The following PLXDC2 variants were observed in gnomAD, a reference collection of about 807,000 sequenced individuals.
PLXDC2 encodes plexin domain-containing protein 2.
Under a neutral mutation model 68.9 loss-of-function variants are expected in PLXDC2, and 40 were observed. The ratio of observed to expected loss-of-function variants is 0.58; its 90% CI spans 0.45 to 0.76. PLXDC2 has a LOEUF of 0.76. Ranked by LOEUF, PLXDC2 falls within the 30% of genes least tolerant of loss-of-function variation. The pLI is 0.00. For missense variants in PLXDC2, 644 were observed against 661.9 expected (o/e 0.97, Z 0.30); for synonymous variants, 243 against 234.2 (o/e 1.04, Z -0.34).
chr10:20,214,494 T>C (rs945093016), intron 10 of PLXDC2, among the ~76,000 whole-genome samples: 1 of 152,162 alleles, frequency 6.6e-6, no homozygotes, highest in African/African-American at 2.4e-5. Context: ...ATATTGATTT[T>C]GGATTTTTTT....
At chr10:20,045,395 T>C (rs1306958097) in intron 2 of PLXDC2, among the ~76,000 whole-genome samples, 1 of 152,154 alleles carries the variant, frequency 6.6e-6, no homozygotes, top group African/African-American at 2.4e-5. Flanking sequence ...GATCTCAAAT[T>C]CCTAACCTCA....
intron 6 of PLXDC2, among the ~76,000 whole-genome samples, chr10:20,148,895 T>G (rs1424206217): frequency 6.6e-6 from 1 of 152,214 alleles, no homozygotes; most frequent in African/African-American, 2.4e-5. Context: ...AAGTGCGGCA[T>G]AATTTAATTA....
At chr10:19,991,771 G>A (rs192526141) in intron 1 of PLXDC2, among the ~76,000 whole-genome samples, 26 of 152,196 alleles carry the variant, frequency 1.7e-4, no homozygotes, top group Admixed American at 1.6e-3. Flanking sequence ...TCGGTGATTT[G>A]GGTCCGAGAC....
chr10:20,144,134 A>G, intron 5 of PLXDC2, among the ~76,000 whole-genome samples: 1 of 152,198 alleles, frequency 6.6e-6, no homozygotes, highest in Non-Finnish European at 1.5e-5. Context: ...AATAAATTAT[A>G]GGTAACAAAG....
intron 2 of PLXDC2, among the ~76,000 whole-genome samples, chr10:20,017,356 C>T (rs1564658112): frequency 1.3e-5 from 2 of 152,198 alleles, no homozygotes; most frequent in Non-Finnish European, 1.5e-5. Flanking sequence ...CTTGTAGACT[C>T]ATTCATGCCC....
At chr10:20,265,332 T>A (rs1835858896) in intron 13 of PLXDC2, among the ~76,000 whole-genome samples, 1 of 152,228 alleles carries the variant, frequency 6.6e-6, no homozygotes, top group Non-Finnish European at 1.5e-5. Flanking sequence ...GAACTCAGAA[T>A]GCATGCATAC....
At chr10:20,007,923 T>C (rs1835052343) in intron 2 of PLXDC2, among the ~76,000 whole-genome samples, 1 of 152,238 alleles carries the variant, frequency 6.6e-6, no homozygotes, top group Non-Finnish European at 1.5e-5. Context: ...CCAGCAACTG[T>C]TGTATTATTC....
chr10:20,253,586 T>C (rs2119350957), intron 13 of PLXDC2, among the ~76,000 whole-genome samples: 1 of 152,216 alleles, frequency 6.6e-6, no homozygotes, highest in Middle Eastern at 3.4e-3. Flanking sequence ...GGGAGTACTT[T>C]GTATTTTCTA....
At chr10:19,910,635 C>T (rs1833252831) in intron 1 of PLXDC2, among the ~76,000 whole-genome samples, 1 of 127,338 alleles carries the variant, frequency 7.9e-6, no homozygotes, top group Non-Finnish European at 1.6e-5. Context: ...TTAGAAGAGG[C>T]ACAGGAATGT....
chr10:19,885,485 A>T (rs1837826408), intron 1 of PLXDC2, among the ~76,000 whole-genome samples: 1 of 152,134 alleles, frequency 6.6e-6, no homozygotes, highest in Non-Finnish European at 1.5e-5. Flanking sequence ...TTATGGTTTT[A>T]GGTCTAACGT....
chr10:20,041,118 C>A (rs1383577379), intron 2 of PLXDC2, among the ~76,000 whole-genome samples: 1 of 152,098 alleles, frequency 6.6e-6, no homozygotes, highest in Non-Finnish European at 1.5e-5. Context: ...CCATAGATAA[C>A]CACATGCTGA....
intron 1 of PLXDC2, among the ~76,000 whole-genome samples, chr10:19,970,125 T>A (rs1373284425): frequency 6.6e-6 from 1 of 152,234 alleles, no homozygotes; most frequent in Non-Finnish European, 1.5e-5. Context: ...CTTTATCTGC[T>A]GCATTGTTTT....
intron 1 of PLXDC2, among the ~76,000 whole-genome samples, chr10:19,894,681 G>A (rs936646557): frequency 2.0e-5 from 3 of 152,072 alleles, no homozygotes; most frequent in Non-Finnish European, 4.4e-5. Context: ...GCATACAAAT[G>A]CACATTATCA....
chr10:20,244,648 A>T (rs1835564428), intron 12 of PLXDC2, among the ~76,000 whole-genome samples: 5 of 152,236 alleles, frequency 3.3e-5, no homozygotes, highest in Non-Finnish European at 7.3e-5. Flanking sequence ...TTAATTTAAA[A>T]TTTCCAAAAG....
At chr10:20,094,979 GA>G (rs1239158154) in intron 4 of PLXDC2, among the ~76,000 whole-genome samples, 18 of 152,266 alleles carry the variant, frequency 1.2e-4, no homozygotes, top group Non-Finnish European at 1.9e-4. Flanking sequence ...AAGCCTTCTA[GA>G]ACTGCACAAT....
intron 10 of PLXDC2, among the ~76,000 whole-genome samples, chr10:20,212,215 G>A (rs549014362): frequency 2.6e-5 from 4 of 152,004 alleles, no homozygotes; most frequent in Admixed American, 6.6e-5. Context: ...TAGGATGTAC[G>A]AAACCATTGT....
intron 1 of PLXDC2, among the ~76,000 whole-genome samples, chr10:19,953,411 A>G (rs1834021890): frequency 6.6e-6 from 1 of 152,250 alleles, no homozygotes; most frequent in South Asian, 2.1e-4. Context: ...GTGAGTGTGT[A>G]AGTTCACACG....
At chr10:19,894,299 A>G (rs1838017933) in intron 1 of PLXDC2, among the ~76,000 whole-genome samples, 1 of 151,796 alleles carries the variant, frequency 6.6e-6, no homozygotes, top group African/African-American at 2.4e-5. Flanking sequence ...TTATTAGCAC[A>G]ATCCTAGGAA....
At chr10:20,139,356 C>A (rs2131785842) in intron 4 of PLXDC2, among the ~76,000 whole-genome samples, 1 of 152,198 alleles carries the variant, frequency 6.6e-6, no homozygotes, top group South Asian at 2.1e-4. Flanking sequence ...TTTCTCAGTC[C>A]CAAATTATCT....
Sources: allele counts gnomAD v4.1 joint callset (sites outside exome capture counted in the v4.1 genomes callset), GRCh38; gene constraint gnomAD v4.1.1; transcripts MANE v1.5; gene names NCBI Gene and HGNC (gene_info 2026-07-23, HGNC 2026-07-21).